Variants in ANKS1B observed in about 807,000 individuals in gnomAD.
ANKS1B encodes the protein ankyrin repeat and sterile alpha motif domain containing 1B, also known as ankyrin repeat and sterile alpha motif domain-containing protein 1B.
Under a neutral mutation model 148.3 loss-of-function variants are expected in ANKS1B, and 36 were observed. The ratio of observed to expected loss-of-function variants is 0.24; its 90% CI spans 0.19 to 0.32. The LOEUF is 0.32. Ranked by LOEUF, ANKS1B falls within the 10% of genes least tolerant of loss-of-function variation. The pLI is 1.00. For synonymous variants in ANKS1B, 542 were observed against 560.8 expected, an observed-to-expected ratio of 0.97 and a Z score of 0.47; for missense variants, 1,157 against 1,542.6, an observed-to-expected ratio of 0.75 and a Z score of 4.19.
chr12:99,699,699 T>A (rs533627221), intron 8 of ANKS1B, among the ~76,000 whole-genome samples: 115 of 152,194 alleles, frequency 7.6e-4, no homozygotes, highest in Non-Finnish European at 1.5e-3. Flanking sequence ...TACTTCAGGA[T>A]AGAGTGTATA....
chr12:98,799,008 A>G lies in ANKS1B; in HGVS notation c.3271-3T>C, dbSNP rs1490589826. On this transcript the variant is annotated splice_region_variant and splice_polypyrimidine_tract_variant and intron_variant, in intron 21 of 26. Coordinates refer to ENST00000683438, the MANE Select transcript of ANKS1B (RefSeq NM_001352186.2). ...TTTATCAGCATAGAACCTAAATACT[A>G]AAATACAAAAAAAATTCAATGATTT... 3 of 1,588,804 alleles carry G rather than the reference A, an allele frequency of 1.9e-6. No individual in the cohort carries two copies. The African/African-American group carries it at 4.1e-5, about 22-fold the overall frequency.
intron 1 of ANKS1B, among the ~76,000 whole-genome samples, chr12:99,973,665 T>C (rs117382965): frequency 0.013 from 2,024 of 152,290 alleles, 22 homozygotes; most frequent in Non-Finnish European, 0.019. Context: ...CTAACTCTTA[T>C]GACTGATTTT....
chr12:98,772,779 G>A (rs998709013), intron 25 of ANKS1B, among the ~76,000 whole-genome samples: 2 of 152,128 alleles, frequency 1.3e-5, no homozygotes, highest in South Asian at 4.2e-4. Context: ...AGGGAGAGAG[G>A]CCTCAGAAGA....
chr12:98,842,556 T>C (rs77636635), intron 17 of ANKS1B, among the ~76,000 whole-genome samples: 355 of 152,334 alleles, frequency 2.3e-3, no homozygotes, highest in Non-Finnish European at 4.0e-3. Context: ...ATACATAAAA[T>C]GGGCGATTTT....
intron 9 of ANKS1B, among the ~76,000 whole-genome samples, chr12:99,629,930 T>C (rs926575824): frequency 6.6e-6 from 1 of 152,156 alleles, no homozygotes; most frequent in African/African-American, 2.4e-5. Flanking sequence ...ACCTTGTAAG[T>C]TGCAAAACTA....
At chr12:99,580,048 C>T (rs1254626212) in intron 9 of ANKS1B, among the ~76,000 whole-genome samples, 1 of 152,120 alleles carries the variant, frequency 6.6e-6, no homozygotes, top group Non-Finnish European at 1.5e-5. Context: ...TCCTTTGCAT[C>T]AACATGGATG....
intron 9 of ANKS1B, among the ~76,000 whole-genome samples, chr12:99,601,253 G>A (rs755521388): frequency 7.9e-5 from 12 of 151,996 alleles, no homozygotes; most frequent in Non-Finnish European, 1.3e-4. Flanking sequence ...TTCTGCCTAC[G>A]AAGATTTTAA....
intron 8 of ANKS1B, among the ~76,000 whole-genome samples, chr12:99,678,733 A>G (rs2098596751): frequency 6.6e-6 from 1 of 152,200 alleles, no homozygotes; most frequent in African/African-American, 2.4e-5. Flanking sequence ...TTGTTGTTTA[A>G]TTACCATTTT....
chr12:99,871,323 T>C (rs1235963642), intron 1 of ANKS1B, among the ~76,000 whole-genome samples: 1 of 152,216 alleles, frequency 6.6e-6, no homozygotes, highest in African/African-American at 2.4e-5. Context: ...ACTTATGGTA[T>C]AGTGTGAACT....
intron 19 of ANKS1B, among the ~76,000 whole-genome samples, chr12:98,823,211 T>C (rs566782648): frequency 6.6e-6 from 1 of 152,234 alleles, no homozygotes; most frequent in African/African-American, 2.4e-5. Context: ...GCTTGTCAAC[T>C]TGACGAGCTG....
intron 12 of ANKS1B, among the ~76,000 whole-genome samples, chr12:99,339,301 G>A (rs986655570): frequency 6.6e-6 from 1 of 152,012 alleles, no homozygotes; most frequent in Non-Finnish European, 1.5e-5. Context: ...CACTATGATG[G>A]GGCAGCACTT....
chr12:99,963,044 A>G (rs1436231476), intron 1 of ANKS1B, among the ~76,000 whole-genome samples: 1 of 151,774 alleles, frequency 6.6e-6, no homozygotes, highest in East Asian at 1.9e-4. Context: ...CGATCTCCTG[A>G]CCTCGTGATG....
intron 8 of ANKS1B, chr12:99,706,651 G>A (rs903667428): frequency 1.3e-5 from 2 of 152,058 alleles, no homozygotes; most frequent in Admixed American, 6.6e-5. Context: ...ATATGACAAA[G>A]ACAATGGCAT....
chr12:98,941,674 C>A (rs982089579), intron 17 of ANKS1B, among the ~76,000 whole-genome samples: 2 of 152,166 alleles, frequency 1.3e-5, no homozygotes, highest in East Asian at 3.8e-4. Context: ...CAAATCTGCC[C>A]CTCGTGGTAG....
At chr12:99,867,914 C>A (rs1264694285) in intron 1 of ANKS1B, among the ~76,000 whole-genome samples, 2 of 152,048 alleles carry the variant, frequency 1.3e-5, no homozygotes, top group Non-Finnish European at 2.9e-5. Context: ...TACAAAACAC[C>A]TGAACAAAAT....
chr12:99,773,264 G>A (rs928674302), intron 7 of ANKS1B, among the ~76,000 whole-genome samples, 176 bp from the exon 8 acceptor site: 1 of 151,968 alleles, frequency 6.6e-6, no homozygotes, highest in Non-Finnish European at 1.5e-5. Context: ...CAATATTAAT[G>A]GGCAAAAGAG....
intron 12 of ANKS1B, among the ~76,000 whole-genome samples, chr12:99,358,590 T>C (rs1161109955): frequency 2.6e-5 from 4 of 152,106 alleles, no homozygotes; most frequent in Non-Finnish European, 5.9e-5. Context: ...TAGACCCTAC[T>C]AGTACCACAG....
At chr12:98,833,496 A>T (rs550397379) in intron 17 of ANKS1B, among the ~76,000 whole-genome samples, 1 of 152,300 alleles carries the variant, frequency 6.6e-6, no homozygotes, top group South Asian at 2.1e-4. Flanking sequence ...TCGTTATCCC[A>T]TGTGTACATT....
Position 99,984,227 on chromosome 12 carries a change from T to C in ANKS1B, c.11A>G (p.Asp4Gly). The change falls in exon 1 of 27, where the codon GAC (aspartate) becomes GGC (glycine). Residue 4 changes from aspartate (D) to glycine (G), a missense_variant. Transcript: ENST00000683438. ...GCGAGCAGCTTCCAGCAGCTCCTGG[T>C]CCTTCCCCATAGTCTCTCACCGACT... Reference protein sequence around the residue: MGKDQELLEAARTG... With the variant: MGKGQELLEAARTG... 6.2e-7 allele frequency: 1 copy of C among 1,613,334 alleles called. No individual in the cohort carries two copies. Among genetic ancestry groups the C allele is most frequent in the Non-Finnish European group, 8.5e-7 (1 of 1,179,574 alleles).
Sources: gnomAD v4.1 joint callset for allele counts (sites outside exome capture counted in the v4.1 genomes callset) on GRCh38, gnomAD v4.1.1 for gene constraint, MANE v1.5 for transcripts, NCBI Gene and HGNC (gene_info 2026-07-23, HGNC 2026-07-21) for gene names.